ADGRV1: variants seen among roughly 807,000 people sequenced by gnomAD.
ADGRV1 encodes adhesion G protein-coupled receptor V1.
A neutral mutation model predicts 596.2 loss-of-function variants in ADGRV1; 359 were observed. The ratio of observed to expected loss-of-function variants is 0.60; its 90% CI spans 0.55 to 0.66. The LOEUF (loss-of-function observed/expected upper bound fraction) is 0.66. Ranked by LOEUF, ADGRV1 falls within the 30% of genes least tolerant of loss-of-function variation. The pLI, the probability that ADGRV1 is intolerant of heterozygous loss-of-function variation, is 0.00. For synonymous variants in ADGRV1, 2,681 were observed against 2,679.2 expected, an observed-to-expected ratio of 1.00 and a Z score of -0.02; for missense variants, 7,274 against 7,575.6, an observed-to-expected ratio of 0.96 and a Z score of 1.48.
intron 83 of ADGRV1, among the ~76,000 whole-genome samples, chr5:90,959,867 C>T (rs1043173656): frequency 3.6e-4 from 55 of 152,180 alleles, no homozygotes; most frequent in Admixed American, 1.2e-3. Flanking sequence ...TGTCTGGGCG[C>T]AGTGGCTCAC....
chr5:91,141,570 T>C (rs1253626974), intron 87 of ADGRV1, among the ~76,000 whole-genome samples: 1 of 152,166 alleles, frequency 6.6e-6, no homozygotes. Context: ...AAAGCAATTT[T>C]AAATGAAAAA....
chr5:91,143,060 T>G (rs1448844858), intron 87 of ADGRV1, among the ~76,000 whole-genome samples: 1 of 152,164 alleles, frequency 6.6e-6, no homozygotes, highest in East Asian at 1.9e-4. Flanking sequence ...GTGGTGGAGC[T>G]GGCAGCTCCA....
intron 83 of ADGRV1, among the ~76,000 whole-genome samples, chr5:90,866,038 T>C (rs543555657): frequency 3.3e-5 from 5 of 152,260 alleles, no homozygotes; most frequent in Admixed American, 2.0e-4. Flanking sequence ...GGGAAAATTC[T>C]ATAGCTGACC....
chr5:91,085,423 G>A (rs1173605335), intron 86 of ADGRV1, among the ~76,000 whole-genome samples: 1 of 152,070 alleles, frequency 6.6e-6, no homozygotes, highest in Non-Finnish European at 1.5e-5. Flanking sequence ...ATTTTTAATT[G>A]ATAAGTCTTA....
intron 85 of ADGRV1, among the ~76,000 whole-genome samples, chr5:91,060,885 A>G (rs972734157): frequency 3.3e-5 from 5 of 152,164 alleles, no homozygotes; most frequent in African/African-American, 1.2e-4. Flanking sequence ...GAATAATTAA[A>G]CGTTTAATTA....
intron 84 of ADGRV1, among the ~76,000 whole-genome samples, chr5:90,980,780 A>G (rs1170433141): frequency 6.6e-6 from 1 of 152,194 alleles, no homozygotes; most frequent in Non-Finnish European, 1.5e-5. Flanking sequence ...CACATTTGCT[A>G]TATATCTGTT....
intron 1 of ADGRV1, among the ~76,000 whole-genome samples, chr5:90,599,994 T>C (rs1188226160): frequency 6.6e-6 from 1 of 152,202 alleles, no homozygotes; most frequent in Admixed American, 6.5e-5. Flanking sequence ...ATTGAATGTC[T>C]AAAAAATATT....
chr5:90,774,846 A>G (rs910792467), intron 60 of ADGRV1, among the ~76,000 whole-genome samples: 5 of 152,196 alleles, frequency 3.3e-5, no homozygotes, highest in Admixed American at 6.6e-5. Context: ...TTGATTACCT[A>G]TATTTTCTAA....
chr5:90,654,585 T>G (rs562488301), intron 20 of ADGRV1: 1 of 154,830 alleles, frequency 6.5e-6, no homozygotes, highest in Non-Finnish European at 1.4e-5. Flanking sequence ...ATACTGGTTA[T>G]ATGCATTATA....
At chr5:90,927,136 G>C (rs1372826739) in intron 83 of ADGRV1, among the ~76,000 whole-genome samples, 2 of 150,304 alleles carry the variant, frequency 1.3e-5, no homozygotes, top group African/African-American at 5.0e-5. Context: ...GAGTTCTGTA[G>C]ATGTCTATTA....
At chr5:91,124,249 T>G (rs1793564994) in intron 87 of ADGRV1, among the ~76,000 whole-genome samples, 1 of 152,208 alleles carries the variant, frequency 6.6e-6, no homozygotes, top group African/African-American at 2.4e-5. Flanking sequence ...GATAATATCT[T>G]TGAGACTAAA....
chr5:90,613,409 C>A (rs1289337592), intron 1 of ADGRV1, among the ~76,000 whole-genome samples: 2 of 152,144 alleles, frequency 1.3e-5, no homozygotes, highest in Non-Finnish European at 2.9e-5. Context: ...ACTGCTCCCC[C>A]TTTCCTGTCT....
chr5:90,572,343 T>C (rs1416876402), intron 1 of ADGRV1, among the ~76,000 whole-genome samples: 1 of 152,140 alleles, frequency 6.6e-6, no homozygotes, highest in Non-Finnish European at 1.5e-5. Flanking sequence ...CTTCTGTATT[T>C]AAGCAGGTTT....
chr5:90,840,815 A>G lies in ADGRV1; in HGVS notation c.16849A>G (p.Ile5617Val), dbSNP rs752710434. 2.5e-6 allele frequency: 4 copies of G among 1,613,930 alleles called. No homozygotes were observed. The highest frequency in any genetic ancestry group is 1.7e-5 in the Admixed American group (1 of 60,016). The change falls in exon 78 of 90, where the codon ATC becomes GTC. Residue 5617 changes from isoleucine (I) to valine (V), a missense_variant. Around this residue, in one of 5 missense-constraint regions of ADGRV1, gnomAD observed 1,874 missense variants for 1,970.2 expected, o/e 0.95. Transcript: ENST00000405460. The stretch of plus-strand genomic sequence containing the variant: ...TGATAAAGTGTATGGGACTGCCAAC[A>G]TCACTCTTGTCTCAGATGCAGATTC... The part of the protein sequence containing the change: ...RIDKVYGTAN[I>V]TLVSDADSQA...
At chr5:90,764,046 G>C (rs949502268) in intron 59 of ADGRV1, among the ~76,000 whole-genome samples, 1 of 152,154 alleles carries the variant, frequency 6.6e-6, no homozygotes, top group African/African-American at 2.4e-5. Context: ...ATGGTAAAAA[G>C]CGATCATGTT....
Position 90,728,858 on chromosome 5 carries a change from A to G in ADGRV1, c.10351A>G (p.Ser3451Gly). 1 of 1,613,754 alleles carries G rather than the reference A, an allele frequency of 6.2e-7. No individual in the cohort carries two copies. The highest frequency in any genetic ancestry group is 8.5e-7 in the Non-Finnish European group (1 of 1,179,798). ...TATTAACTTTCAAGAGGTGCCTGTCAGTGGGACAACAGAAGTTGAGGCTTT... is the reference window on the plus strand; with the variant it reads ...TATTAACTTTCAAGAGGTGCCTGTCGGTGGGACAACAGAAGTTGAGGCTTT... ...GFINFQEVPV[S>G]GTTEVEALSS... Residue 3451 changes from serine (S) to glycine (G), a missense_variant, in exon 49 of 90, where the codon AGT (serine) becomes GGT (glycine). Coordinates refer to ENST00000405460, the MANE Select transcript of ADGRV1 (RefSeq NM_032119.4).
At chr5:90,699,970 T>G (rs1447587946) in intron 34 of ADGRV1, among the ~76,000 whole-genome samples, 1 of 152,216 alleles carries the variant, frequency 6.6e-6, no homozygotes, top group Non-Finnish European at 1.5e-5. Flanking sequence ...CTCCCTAGAT[T>G]TTTTATGTTT....
chr5:91,120,108 C>T (rs1174485383), intron 87 of ADGRV1, among the ~76,000 whole-genome samples: 1 of 152,144 alleles, frequency 6.6e-6, no homozygotes, highest in East Asian at 1.9e-4. Context: ...GTGATTACAC[C>T]AGACGCTGCA....
chr5:91,017,662 G>C (rs908948929), intron 85 of ADGRV1, among the ~76,000 whole-genome samples: 1 of 151,934 alleles, frequency 6.6e-6, no homozygotes, highest in Non-Finnish European at 1.5e-5. Flanking sequence ...GTTAAGTAGA[G>C]TTATAAGGTA....
Sources: gnomAD v4.1 joint callset for allele counts (sites outside exome capture counted in the v4.1 genomes callset) on GRCh38, gnomAD v4.1.1 for gene constraint, gnomAD v4.1.1 regional missense constraint, MANE v1.5 for transcripts, NCBI Gene and HGNC (gene_info 2026-07-23, HGNC 2026-07-21) for gene names.